USP13: variants seen among roughly 807,000 people sequenced by gnomAD.
The protein encoded by USP13 is ubiquitin carboxyl-terminal hydrolase 13.
In USP13, 68 loss-of-function variants were observed where a neutral mutation model predicts 107.8. The observed-to-expected ratio is 0.63, with a 90% CI of 0.52 to 0.77. USP13 has a LOEUF of 0.77. Among genes scored for constraint, USP13 ranks in the 30% least tolerant of loss-of-function variants. The probability of loss-of-function intolerance (pLI) is 0.00; values close to 1 mark genes in which losing one functional copy is unlikely to be tolerated. For synonymous variants in USP13, 377 were observed against 389.5 expected, an observed-to-expected ratio of 0.97 and a Z score of 0.38; for missense variants, 945 against 1,093.3, an observed-to-expected ratio of 0.86 and a Z score of 1.91.
chr3:179,727,031 A>G (rs1282010743), intron 8 of USP13, among the ~76,000 whole-genome samples: 1 of 139,348 alleles, frequency 7.2e-6, no homozygotes, highest in Non-Finnish European at 1.7e-5. Context: ...GGATAATGAT[A>G]ACAACAATCT....
chr3:179,744,993 T>C (rs374315997), intron 12 of USP13, 50 bp from the exon 13 acceptor site: 3 of 1,602,998 alleles, frequency 1.9e-6, no homozygotes, highest in Non-Finnish European at 2.6e-6. Flanking sequence ...GCTTTTCATT[T>C]CCACAGGGTA....
chr3:179,681,971 G>A lies in USP13; in HGVS notation c.262G>A (p.Val88Ile). ...ERHFRKTGQS[V>I]YMHLKRHVRE... The stretch of plus-strand genomic sequence containing the variant: ...ACATTTTCGAAAAACTGGACAGAGT[G>A]TATACATGCACCTGAAAAGACATGT... The change falls in exon 2 of 21, where the codon GTA (valine) becomes ATA (isoleucine). Residue 88 changes from valine to isoleucine, a missense_variant. Transcript: ENST00000263966. The A allele has an allele frequency of 6.2e-7, 1 of 1,613,984 alleles. No homozygotes were observed. Among genetic ancestry groups the A allele is most frequent in the Non-Finnish European group, 8.5e-7 (1 of 1,179,930 alleles).
rs1373587129 is a variant in USP13, at chr3:179,653,993, T to G, written c.168+600T>G. On this transcript the variant is annotated intron_variant, in intron 1 of 20. Coordinates refer to ENST00000263966, the MANE Select transcript of USP13 (RefSeq NM_003940.3). This position sits in a 1 kb window ranked among gnomAD's most constrained non-coding sequence, Gnocchi z 4.0. ...AAGAGGCGGAGGCGGGCGGATCGTTTGAGGTCAGGAGTTCGAGACCAGCCT... is the reference window on the plus strand; with the variant it reads ...AAGAGGCGGAGGCGGGCGGATCGTTGGAGGTCAGGAGTTCGAGACCAGCCT... 6.6e-6 allele frequency among the ~76,000 whole-genome samples: 1 copy of G among 151,896 alleles called. No homozygotes were observed. Among genetic ancestry groups the G allele is most frequent in the African/African-American group, 2.4e-5 (1 of 41,370 alleles).
intron 1 of USP13, among the ~76,000 whole-genome samples, chr3:179,658,873 C>A (rs911510473): frequency 6.6e-6 from 1 of 152,210 alleles, no homozygotes. Context: ...GCAGGACCAG[C>A]AGCAGCTGAG....
chr3:179,775,504 C>T (rs985373175), intron 19 of USP13, among the ~76,000 whole-genome samples: 11 of 152,260 alleles, frequency 7.2e-5, no homozygotes, highest in East Asian at 3.8e-4. Context: ...CCGCCAGTTC[C>T]GCGCCACGCG....
intron 9 of USP13, 73 bp downstream of exon 9, chr3:179,730,333 G>C: frequency 6.8e-7 from 1 of 1,470,842 alleles, no homozygotes. Flanking sequence ...GATATCTCTG[G>C]GTTGCAAAAT....
intron 6 of USP13, among the ~76,000 whole-genome samples, chr3:179,716,716 C>G (rs1308156593): frequency 1.3e-5 from 2 of 152,178 alleles, no homozygotes; most frequent in African/African-American, 4.8e-5. Context: ...AAGACATCTT[C>G]TCATTCAGAG....
intron 10 of USP13, among the ~76,000 whole-genome samples, chr3:179,732,787 C>A (rs1170886404): frequency 1.3e-5 from 2 of 152,186 alleles, no homozygotes; most frequent in Non-Finnish European, 2.9e-5. Flanking sequence ...ACTATCTATG[C>A]AGTCTACAAG....
At chr3:179,774,633 T>G (rs930857356) in intron 19 of USP13, among the ~76,000 whole-genome samples, 1 of 152,132 alleles carries the variant, frequency 6.6e-6, no homozygotes, top group Non-Finnish European at 1.5e-5. Flanking sequence ...ATAAAGGTAG[T>G]GGAGACCCAA....
chr3:179,748,755 A>G (rs1313844110), intron 13 of USP13, among the ~76,000 whole-genome samples: 1 of 152,226 alleles, frequency 6.6e-6, no homozygotes, highest in Non-Finnish European at 1.5e-5. Context: ...TATAAAGAGA[A>G]AAGCATAGTG....
At position 179,663,293 on chromosome 3, in the gene USP13, A is replaced by G. The variant is rs558508246; in HGVS notation, c.168+9900A>G. ...CACTTGGCATAATGTCCTCAAGGTT[A>G]ATCCATGTTGTTGTGTCAATTTTCT... On this transcript the variant is annotated intron_variant, in intron 1 of 20. Coordinates refer to ENST00000263966, the MANE Select transcript of USP13 (RefSeq NM_003940.3). 9.2e-5 allele frequency among the ~76,000 whole-genome samples: 14 copies of G among 152,336 alleles called. No individual in the cohort carries two copies. The South Asian group carries it at 2.9e-3, about 32-fold the overall frequency.
At chr3:179,726,167 G>T (rs1483978455) in intron 8 of USP13, among the ~76,000 whole-genome samples, 1 of 152,192 alleles carries the variant, frequency 6.6e-6, no homozygotes, top group Non-Finnish European at 1.5e-5. Context: ...TTGTCAACAG[G>T]CTTGAGAAGG....
Position 179,740,282 on chromosome 3 carries a change from G to A in USP13, c.1290G>A (p.Lys430=), listed in dbSNP as rs1355994732. Residue 430 remains lysine (K), a synonymous_variant, in exon 11 of 21, where the codon AAG becomes AAA. Coordinates refer to ENST00000263966, the MANE Select transcript of USP13 (RefSeq NM_003940.3). ...ACGGGATCTCTCCGCGCATGTTTAA[G>A]GCCTTTGTAAGCAAGAGCCACCCGG... is the stretch of plus-strand genomic sequence containing the variant. ...QQNGISPRMF[K]AFVSKSHPEF... is the part of the protein sequence containing the mutation. 6.2e-7 allele frequency: 1 copy of A among 1,614,046 alleles called. No individual in the cohort carries two copies. The highest frequency in any genetic ancestry group is 2.2e-5 in the East Asian group (1 of 44,878).
rs759902942 is a variant in USP13 at position 179,740,360 on chromosome 3, G to C, written c.1368G>C (p.Val456=). The part of the protein sequence containing the change: ...QDAQEFFLHL[V]NLVERNRIGS... ...CCCAGGAATTCTTCTTGCACCTGGT[G>C]AATCTAGTAGAGGTGAGTAGTCAGT... The change falls in exon 11 of 21, where the codon GTG becomes GTC. Residue 456 remains valine, a synonymous_variant. Transcript: ENST00000263966. 1 of 1,614,058 alleles carries C rather than the reference G, an allele frequency of 6.2e-7. No homozygotes were observed. The highest frequency in any genetic ancestry group is 1.1e-5 in the South Asian group (1 of 91,076).
chr3:179,749,417 T>C (rs1714518936), intron 13 of USP13, among the ~76,000 whole-genome samples: 1 of 152,222 alleles, frequency 6.6e-6, no homozygotes, highest in African/African-American at 2.4e-5. Flanking sequence ...CATATCATTT[T>C]TCAAGAAATA....
intron 6 of USP13, among the ~76,000 whole-genome samples, chr3:179,716,530 AT>A (rs1388338686): frequency 1.3e-5 from 2 of 152,210 alleles, no homozygotes; most frequent in Admixed American, 1.3e-4. Context: ...AATACGATGA[AT>A]GAGTGAGTTA....
chr3:179,751,539 A>G (rs761825485), intron 13 of USP13, among the ~76,000 whole-genome samples: 11 of 152,150 alleles, frequency 7.2e-5, no homozygotes, highest in Non-Finnish European at 1.3e-4. Flanking sequence ...GTGTTTCAGG[A>G]TCACCTGGGG....
chr3:179,708,569 G>A (rs186048391), intron 5 of USP13, among the ~76,000 whole-genome samples: 123 of 152,276 alleles, frequency 8.1e-4, no homozygotes, highest in Admixed American at 2.0e-3. Flanking sequence ...GCCCGCCTCG[G>A]CCTCCCAAAG....
chr3:179,770,753 C>T (rs7610328), intron 19 of USP13, among the ~76,000 whole-genome samples: 2,255 of 152,090 alleles, frequency 0.015, 35 homozygotes, highest in Middle Eastern at 0.065. Flanking sequence ...TACAGGCACG[C>T]GCCACCACAC....
Sources: gnomAD v4.1 joint callset for allele counts (sites outside exome capture counted in the v4.1 genomes callset) on GRCh38, gnomAD v4.1.1 for gene constraint, Gnocchi (gnomAD v3.1) non-coding constraint, MANE v1.5 for transcripts, NCBI Gene and HGNC (gene_info 2026-07-23, HGNC 2026-07-21) for gene names.